The following SPAG16 variants were observed in gnomAD, a reference collection of about 807,000 sequenced individuals.
SPAG16 encodes sperm-associated antigen 16 protein.
A neutral mutation model predicts 80.4 loss-of-function variants in SPAG16; 86 were observed. That is an observed-to-expected ratio of 1.07 (90% CI 0.90 to 1.28). SPAG16 has a LOEUF of 1.28. Among genes scored for constraint, SPAG16 ranks in the 50% most tolerant of loss-of-function variants. The probability of loss-of-function intolerance (pLI) is 0.00; values close to 1 mark genes in which losing one functional copy is unlikely to be tolerated. For missense variants in SPAG16, 870 were observed against 765.3 expected, an observed-to-expected ratio of 1.14 and a Z score of -1.61; for synonymous variants, 294 against 265.9, an observed-to-expected ratio of 1.11 and a Z score of -1.03.
intron 12 of SPAG16, among the ~76,000 whole-genome samples, chr2:214,003,353 G>A (rs2046883116): frequency 6.6e-6 from 1 of 152,096 alleles, no homozygotes; most frequent in South Asian, 2.1e-4. Flanking sequence ...TCTGCCTATA[G>A]AGCATAATTT....
intron 11 of SPAG16, 61 bp downstream of exon 11, chr2:213,862,689 G>C (rs2075525921): frequency 3.8e-6 from 6 of 1,558,626 alleles, no homozygotes; most frequent in Admixed American, 1.7e-5. Context: ...CCTTTACTCT[G>C]TCTGCTCACT....
At chr2:213,447,611 G>A (rs1196493114) in intron 9 of SPAG16, among the ~76,000 whole-genome samples, 2 of 152,134 alleles carry the variant, frequency 1.3e-5, no homozygotes, top group Admixed American at 6.5e-5. Context: ...AGAACATCGG[G>A]CGTTCCCACC....
intron 6 of SPAG16, among the ~76,000 whole-genome samples, chr2:213,346,487 T>TC (rs1265330186): frequency 6.6e-6 from 1 of 152,248 alleles, no homozygotes; most frequent in Non-Finnish European, 1.5e-5. Context: ...CTTCCAGTTT[T>TC]TGCCCATTCA....
At chr2:213,948,719 G>C (rs562873268) in intron 12 of SPAG16, among the ~76,000 whole-genome samples, 1 of 152,070 alleles carries the variant, frequency 6.6e-6, no homozygotes, top group East Asian at 1.9e-4. Flanking sequence ...CCCCTAATCT[G>C]ATGCCATATT....
At chr2:214,381,155 T>C (rs1370688615) in intron 15 of SPAG16, among the ~76,000 whole-genome samples, 3 of 152,202 alleles carry the variant, frequency 2.0e-5, no homozygotes, top group Admixed American at 6.5e-5. Context: ...TTTTAAAGAA[T>C]ACTCAGGGCT....
At chr2:214,313,307 G>A (rs1695458625) in intron 15 of SPAG16, among the ~76,000 whole-genome samples, 1 of 152,026 alleles carries the variant, frequency 6.6e-6, no homozygotes, top group Admixed American at 6.6e-5. Flanking sequence ...ATTCCTGAAA[G>A]GACCTTTGTG....
chr2:213,288,953 CTA>C (rs1268858487), intron 1 of SPAG16, among the ~76,000 whole-genome samples: 4 of 152,116 alleles, frequency 2.6e-5, no homozygotes, highest in African/African-American at 7.2e-5. Flanking sequence ...AGACTAAGAA[CTA>C]TGTTACTAAA....
At chr2:214,162,975 A>G (rs1576386494) in intron 15 of SPAG16, among the ~76,000 whole-genome samples, 1 of 152,154 alleles carries the variant, frequency 6.6e-6, no homozygotes, top group African/African-American at 2.4e-5. Flanking sequence ...CAAAAAATTT[A>G]TAGAACTTTC....
chr2:214,003,247 G>A (rs192508504), intron 12 of SPAG16, among the ~76,000 whole-genome samples: 12 of 152,190 alleles, frequency 7.9e-5, no homozygotes, highest in African/African-American at 1.7e-4. Flanking sequence ...GTGGGAGATC[G>A]GTTAATATAA....
At chr2:214,307,140 C>T (rs1232946721) in intron 15 of SPAG16, among the ~76,000 whole-genome samples, 2 of 152,058 alleles carry the variant, frequency 1.3e-5, no homozygotes, top group African/African-American at 4.8e-5. Context: ...GGAATTTATC[C>T]ATTTCTTCTA....
intron 10 of SPAG16, among the ~76,000 whole-genome samples, chr2:213,825,151 A>G (rs2073195225): frequency 6.6e-6 from 1 of 152,150 alleles, no homozygotes; most frequent in Non-Finnish European, 1.5e-5. Flanking sequence ...CTCCAAATAT[A>G]AGATTATATT....
Position 213,860,449 on chromosome 2 carries a change from G to GTATATATATCTATATA in SPAG16, c.1071-2027_1071-2026insCTATATATATATATAT, listed in dbSNP as rs1559529407. Among the ~76,000 whole-genome samples, 19 of 119,284 alleles carry GTATATATATCTATATA rather than the reference G, an allele frequency of 1.6e-4. 1 individual carries two copies. The highest frequency in any genetic ancestry group is 2.4e-4 in the Non-Finnish European group (13 of 55,284). The allele number at this position is 119,284 out of a possible 152,430, so 78.3% of individuals were successfully genotyped here. Reference sequence around the variant, plus strand: ...TATATCTATATATTTATAGATATATGTATATATATACAGATATATCTATCT... The same window carrying GTATATATATCTATATA: ...TATATCTATATATTTATAGATATATGTATATATATCTATATATATATATATACAGATATATCTATCT... On this transcript the variant is annotated intron_variant, in intron 10 of 15. Transcript: ENST00000331683.
At chr2:213,493,187 A>T (rs2074340967) in intron 10 of SPAG16, among the ~76,000 whole-genome samples, 1 of 152,244 alleles carries the variant, frequency 6.6e-6, no homozygotes, top group Non-Finnish European at 1.5e-5. Flanking sequence ...GGCAAAATGC[A>T]TGACAAGCAC....
intron 12 of SPAG16, among the ~76,000 whole-genome samples, chr2:214,006,871 T>C (rs2047048363): frequency 6.6e-6 from 1 of 152,218 alleles, no homozygotes; most frequent in East Asian, 1.9e-4. Flanking sequence ...CCTTGAGCTA[T>C]GTGAAGACCT....
At chr2:214,252,638 T>A (rs548327057) in intron 15 of SPAG16, among the ~76,000 whole-genome samples, 20 of 152,218 alleles carry the variant, frequency 1.3e-4, no homozygotes, top group Non-Finnish European at 2.5e-4. Context: ...TCCATTTTTA[T>A]AGCTGCATAG....
intron 12 of SPAG16, among the ~76,000 whole-genome samples, chr2:213,977,380 A>C (rs1386580415): frequency 6.6e-6 from 1 of 152,028 alleles, no homozygotes; most frequent in Non-Finnish European, 1.5e-5. Context: ...AAAATTACTT[A>C]AATACAGCTC....
At chr2:213,555,821 A>C (rs2059406445) in intron 10 of SPAG16, among the ~76,000 whole-genome samples, 1 of 152,254 alleles carries the variant, frequency 6.6e-6, no homozygotes, top group South Asian at 2.1e-4. Flanking sequence ...TAATGTAATA[A>C]TACTGTGTGA....
chr2:213,822,135 A>G (rs1364360829), intron 10 of SPAG16, among the ~76,000 whole-genome samples: 1 of 152,188 alleles, frequency 6.6e-6, no homozygotes, highest in Non-Finnish European at 1.5e-5. Context: ...ACTGTTCTCC[A>G]TAGTGGTTGT....
intron 12 of SPAG16, among the ~76,000 whole-genome samples, chr2:213,962,198 T>G (rs568968596): frequency 1.1e-4 from 15 of 136,918 alleles, no homozygotes; most frequent in African/African-American, 3.7e-4. Context: ...TTTTTTTATG[T>G]TTTTTTTTTT....
Sources: gnomAD v4.1 joint callset for allele counts (sites outside exome capture counted in the v4.1 genomes callset) on GRCh38, gnomAD v4.1.1 for gene constraint, MANE v1.5 for transcripts, NCBI Gene and HGNC (gene_info 2026-07-23, HGNC 2026-07-21) for gene names.